ELAVL2: variants seen among roughly 807,000 people sequenced by gnomAD.
ELAVL2 encodes the protein ELAV-like protein 2.
ELAVL2 carries 4 observed loss-of-function variants against 34.6 expected under a neutral mutation model. The ratio of observed to expected loss-of-function variants is 0.12; its 90% confidence interval spans 0.06 to 0.26. The LOEUF is 0.26. Ranked by LOEUF, ELAVL2 falls within the 10% of genes least tolerant of loss-of-function variation. The pLI, the probability that ELAVL2 is intolerant of heterozygous loss-of-function variation, is 1.00. For missense variants in ELAVL2, 432 were observed against 442.8 expected (o/e 0.98, Z 0.22); for synonymous variants, 193 against 154.8 (o/e 1.25, Z -1.83).
chr9:23,701,532 T>A lies in ELAVL2; in HGVS notation c.560A>T (p.Asn187Ile). The change falls in exon 5 of 7, where the codon AAT becomes ATT. Residue 187 changes from asparagine (N) to isoleucine (I), a missense_variant. Around this residue, in one of 3 missense-constraint regions of ELAVL2, gnomAD observed 295 missense variants for 306.1 expected, o/e 0.96. Transcript: ENST00000397312. Reference protein sequence around the residue: ...IEAEEAIKGLNGQKPPGATEP... With the variant: ...IEAEEAIKGLIGQKPPGATEP... ...CGTGGCACCGGGAGGTTTCTGGCCA[T>A]TTAGGCCTTTGATAGCTTCTTCTGC... is the stretch of plus-strand genomic sequence containing the variant. 1 of 1,614,110 alleles carries A rather than the reference T, an allele frequency of 6.2e-7. No homozygotes were observed. Among genetic ancestry groups the A allele is most frequent in the Non-Finnish European group, 8.5e-7 (1 of 1,179,998 alleles).
chr9:23,779,229 G>A (rs967519243), intron 1 of ELAVL2: 3 of 985,252 alleles, frequency 3.0e-6, no homozygotes, highest in Admixed American at 6.2e-5. Context: ...GTAAATAAGA[G>A]GTCTTACTTC....
intron 6 of ELAVL2, 61 bp from the exon 7 acceptor site, chr9:23,692,945 T>C (rs1012137789): frequency 2.0e-5 from 30 of 1,501,060 alleles, no homozygotes; most frequent in Non-Finnish European, 2.6e-5. Context: ...AGGTTGGTTA[T>C]AGCAATGAAC....
Position 23,826,148 on chromosome 9 carries a change from G to A in ELAVL2, c.-358C>T, listed in dbSNP as rs778147627. ...CGAAAGAACGTTTTTTCAAAAAGACGATGTCTTTCTCCTTGTTGCTTTTTA... is the reference window on the plus strand; with the variant it reads ...CGAAAGAACGTTTTTTCAAAAAGACAATGTCTTTCTCCTTGTTGCTTTTTA... On this transcript the variant is annotated 5_prime_UTR_variant, in exon 1 of 7. Coordinates refer to ENST00000397312, the MANE Select transcript of ELAVL2 (RefSeq NM_004432.5). The A allele has an allele frequency of 6.6e-6, 1 of 152,158 alleles. No individual in the cohort carries two copies. The highest frequency in any genetic ancestry group is 1.5e-5 in the Non-Finnish European group (1 of 68,018). The allele number at this position is 152,158 out of a possible 1,614,324, so 9.4% of individuals were successfully genotyped here.
intron 1 of ELAVL2, among the ~76,000 whole-genome samples, chr9:23,769,479 C>T (rs368007362): frequency 1.3e-5 from 2 of 152,168 alleles, no homozygotes; most frequent in African/African-American, 4.8e-5. Flanking sequence ...CAACCAAGTG[C>T]TAAAATCACA....
chr9:23,793,369 A>G (rs571251566), intron 1 of ELAVL2, among the ~76,000 whole-genome samples: 4 of 152,190 alleles, frequency 2.6e-5, no homozygotes, highest in Non-Finnish European at 4.4e-5. Context: ...CACAAATGAA[A>G]TTCAGAGTTT....
intron 2 of ELAVL2, among the ~76,000 whole-genome samples, chr9:23,741,506 TCTCAA>T (rs960775894): frequency 2.6e-5 from 4 of 151,888 alleles, no homozygotes; most frequent in Non-Finnish European, 5.9e-5. Context: ...TTCCCTCCCC[TCTCAA>T]CTCTTTATTC....
intron 1 of ELAVL2, among the ~76,000 whole-genome samples, chr9:23,816,109 T>C (rs1228206422): frequency 6.6e-6 from 1 of 151,984 alleles, no homozygotes; most frequent in African/African-American, 2.4e-5. Flanking sequence ...GGAAATTTCT[T>C]ATTTGTATAT....
chr9:23,776,660 C>T (rs1373482377), intron 1 of ELAVL2, among the ~76,000 whole-genome samples: 1 of 150,378 alleles, frequency 6.6e-6, no homozygotes, highest in African/African-American at 2.5e-5. Flanking sequence ...AGAAGTCAAA[C>T]GCACACAAGG....
chr9:23,823,442 C>T (rs1044822476), intron 1 of ELAVL2, among the ~76,000 whole-genome samples: 1 of 152,148 alleles, frequency 6.6e-6, no homozygotes. Flanking sequence ...TTCCTACAAC[C>T]GTAGCGTTTT....
intron 2 of ELAVL2, among the ~76,000 whole-genome samples, chr9:23,741,139 A>C (rs544310174): frequency 6.6e-6 from 1 of 152,328 alleles, no homozygotes; most frequent in Admixed American, 6.5e-5. Context: ...AAAACAGAGA[A>C]GATGAAATTC....
the ELAVL2 span, among the ~76,000 whole-genome samples, chr9:23,839,115 A>T: frequency 6.6e-6 from 1 of 152,166 alleles, no homozygotes; most frequent in Non-Finnish European, 1.5e-5. Context: ...TATTTATCTT[A>T]TTAGATTTAT....
intron 1 of ELAVL2, among the ~76,000 whole-genome samples, chr9:23,814,103 C>G (rs1391889600): frequency 5.3e-5 from 8 of 152,128 alleles, no homozygotes; most frequent in Non-Finnish European, 2.9e-5. Context: ...CAACAACTCA[C>G]AACTATTTAA....
intron 3 of ELAVL2, among the ~76,000 whole-genome samples, chr9:23,724,822 C>G (rs980463325): frequency 1.3e-5 from 2 of 152,020 alleles, no homozygotes; most frequent in African/African-American, 2.4e-5. Context: ...GGCAGAGGAA[C>G]AATTTACTCA....
chr9:23,748,405 C>G (rs1246366103), intron 2 of ELAVL2, among the ~76,000 whole-genome samples: 1 of 152,110 alleles, frequency 6.6e-6, no homozygotes, highest in African/African-American at 2.4e-5. Flanking sequence ...CCTGGATGCT[C>G]TGACTCTCTG....
At chr9:23,801,306 T>C (rs1181010956) in intron 1 of ELAVL2, among the ~76,000 whole-genome samples, 5 of 152,188 alleles carry the variant, frequency 3.3e-5, no homozygotes, top group East Asian at 1.9e-4. Context: ...CTCAAAGAAA[T>C]TTTCTCAGGT....
chr9:23,721,766 A>C (rs2043796358), intron 3 of ELAVL2, among the ~76,000 whole-genome samples: 1 of 152,102 alleles, frequency 6.6e-6, no homozygotes, highest in South Asian at 2.1e-4. Flanking sequence ...CACTTAATGA[A>C]CAGTAAATAT....
the ELAVL2 span, among the ~76,000 whole-genome samples, chr9:23,844,196 C>A: frequency 0.21 from 32,578 of 151,798 alleles, 3,993 homozygotes; most frequent in Non-Finnish European, 0.26. Context: ...TTTTACATAT[C>A]TCTGATACCA....
chr9:23,779,143 T>C (rs138312679), intron 1 of ELAVL2: 24,657 of 971,064 alleles, frequency 0.025, 353 homozygotes, highest in Middle Eastern at 0.036. Flanking sequence ...GTTAACGCTC[T>C]AAAAACTGTC....
chr9:23,726,776 T>C (rs1364709504), intron 3 of ELAVL2, among the ~76,000 whole-genome samples: 1 of 151,026 alleles, frequency 6.6e-6, no homozygotes, highest in Admixed American at 6.6e-5. Context: ...AAGTCAAAAG[T>C]ATTGGCTTTA....
Sources: allele counts gnomAD v4.1 joint callset (sites outside exome capture counted in the v4.1 genomes callset), GRCh38; gene constraint gnomAD v4.1.1; regional missense constraint gnomAD v4.1.1; transcripts MANE v1.5; gene names NCBI Gene and HGNC (gene_info 2026-07-23, HGNC 2026-07-21).